LRRC39: variants seen among roughly 807,000 people sequenced by gnomAD.
LRRC39 encodes the protein leucine rich repeat containing 39.
In LRRC39, 35 loss-of-function variants were observed where a neutral mutation model predicts 39.7. The ratio of observed to expected loss-of-function variants is 0.88; its 90% CI spans 0.67 to 1.17. LRRC39 has a LOEUF of 1.17. Ranked by LOEUF, LRRC39 falls within the 50% of genes most tolerant of loss-of-function variation. The pLI is 0.00. For missense variants in LRRC39, 357 were observed against 385.8 expected, an observed-to-expected ratio of 0.93 and a Z score of 0.62; for synonymous variants, 113 against 134.1, an observed-to-expected ratio of 0.84 and a Z score of 1.09.
At chr1:100,160,596 G>T in intron 3 of LRRC39, 25 bp from the exon 4 acceptor site, 4 of 1,526,746 alleles carry the variant, frequency 2.6e-6, no homozygotes, top group East Asian at 2.3e-5. Flanking sequence ...AATCATTTTA[G>T]TTCATAGACA....
At position 100,167,028 on chromosome 1, in the gene LRRC39, C is replaced by T. The variant is rs150852852; in HGVS notation, c.113+1376G>A. On this transcript the variant is annotated intron_variant, in intron 3 of 9. Coordinates refer to ENST00000370137, the MANE Select transcript of LRRC39 (RefSeq NM_144620.4). ...GCAGCATGAAAACAGACTAATACAC[C>T]AGGGATGAATCTTAATTTATCTAAA... is the stretch of plus-strand genomic sequence containing the variant. Among the ~76,000 whole-genome samples the T allele has an allele frequency of 4.6e-5, 7 of 152,218 alleles. No individual in the cohort carries two copies. The East Asian group carries it at 1.4e-3, about 29-fold the overall frequency.
chr1:100,167,848 A>G (rs1181246715), intron 3 of LRRC39, among the ~76,000 whole-genome samples: 2 of 150,380 alleles, frequency 1.3e-5, no homozygotes, highest in African/African-American at 4.9e-5. Context: ...ACAATGAATG[A>G]GAATTGTATG....
chr1:100,178,904 A>C (rs1660118978), upstream of LRRC39, among the ~76,000 whole-genome samples: 1 of 152,102 alleles, frequency 6.6e-6, no homozygotes, highest in Admixed American at 6.6e-5. Flanking sequence ...CACTATTGCC[A>C]GTTCTTTGTG....
intron 1 of LRRC39, among the ~76,000 whole-genome samples, chr1:100,174,928 G>T (rs1041632871): frequency 7.9e-5 from 12 of 152,208 alleles, no homozygotes; most frequent in African/African-American, 2.2e-4. Context: ...GATCCCTCAT[G>T]GCGTGGTGCT....
chr1:100,151,645 A>G lies in LRRC39; in HGVS notation c.952+740T>C, dbSNP rs115460457. 6.0e-3 allele frequency among the ~76,000 whole-genome samples: 912 copies of G among 152,280 alleles called. 8 individuals are homozygous for G. Among genetic ancestry groups the G allele is most frequent in the African/African-American group, 0.02 (830 of 41,558 alleles). ...CTATGATTTCTGTTACTATTGTTTC[A>G]TTGTTTTTATTAACAAATAATTGTG... On this transcript the variant is annotated intron_variant, in intron 9 of 9. Transcript: ENST00000370137.
chr1:100,158,306 C>G lies in LRRC39; in HGVS notation c.438G>C (p.Lys146Asn), dbSNP rs1350152103. Residue 146 changes from lysine (K) to asparagine (N), a missense_variant, in exon 6 of 10, where the codon AAG becomes AAC. By Grantham distance (94) the Lys-to-Asn change is moderately conservative (BLOSUM62 0). Coordinates refer to ENST00000370137, the MANE Select transcript of LRRC39 (RefSeq NM_144620.4). ...LSYNKIKTVP[K>N]ELSNCASLEK... ...CCAAGCTGGCACAATTACTTAGTTC[C>G]TTGGGGACAGTCTTGATTTTGTTGT... The G allele has an allele frequency of 6.2e-7, 1 of 1,614,008 alleles. No homozygotes were observed. The highest frequency in any genetic ancestry group is 1.3e-5 in the African/African-American group (1 of 75,028).
At position 100,148,708 on chromosome 1, in the gene LRRC39, A is replaced by G. The variant is rs753579448; in HGVS notation, c.*334T>C. On this transcript the variant is annotated 3_prime_UTR_variant, in exon 10 of 10. Coordinates refer to ENST00000370137, the MANE Select transcript of LRRC39 (RefSeq NM_144620.4). ...CAAGGTCGAATCCAGTATTTGCAGC[A>G]GAAGGGATTCAGTCCTGCTTTGCAG... The G allele has an allele frequency of 5.0e-6, 8 of 1,613,414 alleles. No homozygotes were observed. In the Admixed American group the frequency reaches 5.0e-5, roughly 10 times the overall value.
At chr1:100,154,536 C>G (rs1319941871) in intron 8 of LRRC39, among the ~76,000 whole-genome samples, 2 of 152,048 alleles carry the variant, frequency 1.3e-5, no homozygotes, top group African/African-American at 4.8e-5. Flanking sequence ...TCCCATCTAC[C>G]CATGCTAAAA....
rs150051272 is a variant in LRRC39 at position 100,149,271 on chromosome 1, C to A, written c.953-174G>T. 3.0e-4 allele frequency: 455 copies of A among 1,517,614 alleles called. 5 individuals are homozygous for A. The African/African-American group carries it at 5.6e-3, about 19-fold the overall frequency. 94.0% of individuals were successfully genotyped at this position (1,517,614 alleles called of 1,614,324 possible). On this transcript the variant is annotated intron_variant, in intron 9 of 9. Transcript: ENST00000370137. ...ATTTGACTTATATGTGGACATTTTT[C>A]CCTACAGATCTGGAAAGCACAATTG...
chr1:100,167,821 A>G (rs1659350872), intron 3 of LRRC39, among the ~76,000 whole-genome samples: 1 of 143,678 alleles, frequency 7.0e-6, no homozygotes, highest in Admixed American at 7.0e-5. Flanking sequence ...TAATAATAAT[A>G]ATAATGATAG....
intron 2 of LRRC39, among the ~76,000 whole-genome samples, chr1:100,171,074 A>G (rs1659568477): frequency 6.6e-6 from 1 of 152,232 alleles, no homozygotes; most frequent in South Asian, 2.1e-4. Flanking sequence ...CATGCCTCTA[A>G]TAACATGGCT....
chr1:100,163,419 C>A (rs1659022189), intron 3 of LRRC39, among the ~76,000 whole-genome samples: 1 of 152,062 alleles, frequency 6.6e-6, no homozygotes, highest in South Asian at 2.1e-4. Flanking sequence ...TCGCTAAATT[C>A]TTTCTGGTTC....
chr1:100,161,545 T>C (rs1301450635), intron 3 of LRRC39, among the ~76,000 whole-genome samples: 1 of 152,260 alleles, frequency 6.6e-6, no homozygotes, highest in Non-Finnish European at 1.5e-5. Flanking sequence ...GGAATAATGC[T>C]GCTATGAATA....
chr1:100,169,833 G>C (rs1203461929), intron 2 of LRRC39, among the ~76,000 whole-genome samples: 1 of 152,078 alleles, frequency 6.6e-6, no homozygotes, highest in African/African-American at 2.4e-5. Flanking sequence ...CTGGATCATA[G>C]TGTATGTAAA....
chr1:100,177,470 A>C (rs1456439109), intron 1 of LRRC39, among the ~76,000 whole-genome samples: 1 of 152,208 alleles, frequency 6.6e-6, no homozygotes, highest in African/African-American at 2.4e-5. Context: ...AGAATCTCTA[A>C]GCAAGGCATG....
At chr1:100,152,616 T>C (rs1658135643) in intron 8 of LRRC39, 92 bp from the exon 9 acceptor site, 4 of 1,330,314 alleles carry the variant, frequency 3.0e-6, no homozygotes, top group African/African-American at 2.9e-5. Flanking sequence ...ATATACTAAA[T>C]TACTCGTTTT....
In LRRC39 at chr1:100,156,260, T is replaced by C. The variant is rs1317395342; in HGVS notation, c.571A>G (p.Ile191Val). 6.2e-7 allele frequency: 1 copy of C among 1,613,966 alleles called. No individual in the cohort carries two copies. The highest frequency in any genetic ancestry group is 8.5e-7 in the Non-Finnish European group (1 of 1,179,886). Reference protein sequence around the residue: ...LDLSMNDFTTIPLAVLNMPAL... With the variant: ...LDLSMNDFTTVPLAVLNMPAL... ...GGCATGTTCAACACAGCAAGAGGGA[T>C]TGTAGTAAAATCGTTCATACTCAGA... The change falls in exon 7 of 10, where the codon ATC (isoleucine) becomes GTC (valine). Residue 191 changes from isoleucine (I) to valine (V), a missense_variant. By Grantham distance (29) the Ile-to-Val change is conservative. Transcript: ENST00000370137.
chr1:100,162,010 A>T (rs1228967883), intron 3 of LRRC39, among the ~76,000 whole-genome samples: 1 of 151,900 alleles, frequency 6.6e-6, no homozygotes, highest in African/African-American at 2.4e-5. Context: ...TTACATTCCC[A>T]CCAGTGGCAT....
Position 100,158,272 on chromosome 1 carries a change from C to A in LRRC39, c.472G>T (p.Glu158Ter). ...LSNCASLEKL[E>*]LAVNRDICDL... ...CATATATCTCTGTTAACAGCCAGTT[C>A]TAGTTTCTCCAAGCTGGCACAATTA... The change falls in exon 6 of 10, where the codon GAA becomes TAA. Residue 158 changes from glutamate to a stop codon, truncating the protein, a stop_gained. Coordinates refer to ENST00000370137, the MANE Select transcript of LRRC39 (RefSeq NM_144620.4). LOFTEE classifies it high-confidence loss of function. 1 of 1,614,008 alleles carries A rather than the reference C, an allele frequency of 6.2e-7. No individual in the cohort carries two copies. The highest frequency in any genetic ancestry group is 8.5e-7 in the Non-Finnish European group (1 of 1,179,940).
Sources: allele counts gnomAD v4.1 joint callset (sites outside exome capture counted in the v4.1 genomes callset), GRCh38; gene constraint gnomAD v4.1.1; transcripts MANE v1.5; gene names NCBI Gene and HGNC (gene_info 2026-07-23, HGNC 2026-07-21).